The following ALMS1 variants were observed in gnomAD, a reference collection of about 807,000 sequenced individuals.
ALMS1 encodes the protein centrosome-associated protein ALMS1.
ALMS1 carries 271 observed loss-of-function variants against 352.2 expected under a neutral mutation model. The ratio of observed to expected loss-of-function variants is 0.77; its 90% CI spans 0.70 to 0.85. The LOEUF (loss-of-function observed/expected upper bound fraction) is 0.85, where lower values mean the gene tolerates loss of function less well. ALMS1 is among the 40% of genes least tolerant of loss of function. The probability of loss-of-function intolerance (pLI) is 0.00; values close to 1 mark genes in which losing one functional copy is unlikely to be tolerated. For synonymous variants in ALMS1, 1,865 were observed against 1,761.2 expected (o/e 1.06, Z -1.48); for missense variants, 5,445 against 4,870.7 (o/e 1.12, Z -3.51).
At position 73,455,304 on chromosome 2, in the gene ALMS1, G is replaced by T. The variant is rs1046548369; in HGVS notation, c.7674+9G>T. 52 of 1,613,754 alleles carry T rather than the reference G, an allele frequency of 3.2e-5. No homozygotes were observed. The Middle Eastern group carries it at 5.0e-4, about 15-fold the overall frequency. Reference sequence around the variant, plus strand: ...CAACTGACTTGTCCAAGGTATAAAAGAAATCTGGAAATGAAGAAAGTAAAT... The same window carrying T: ...CAACTGACTTGTCCAAGGTATAAAATAAATCTGGAAATGAAGAAAGTAAAT... On this transcript the variant is annotated intron_variant, in intron 9 of 22. Transcript: ENST00000613296.
rs1672346088 is a variant in ALMS1 at position 73,466,438 on chromosome 2, A to G, written c.7674+11143A>G. On this transcript the variant is annotated intron_variant, in intron 9 of 22. Coordinates refer to ENST00000613296, the MANE Select transcript of ALMS1 (RefSeq NM_001378454.1). ...TCATAGGTGGGAATTGAACAATGAG[A>G]ACACATGGACACAGGAAGGGGAACA... Among the ~76,000 whole-genome samples, 3 of 143,242 alleles carry G rather than the reference A, an allele frequency of 2.1e-5. No homozygotes were observed. In the South Asian group the frequency reaches 7.1e-4, roughly 34 times the overall value. The allele number at this position is 143,242 out of a possible 152,430, so 94.0% of individuals were successfully genotyped here. A position where few individuals can be genotyped will look rare whatever the true frequency, so the allele number is the denominator to read the frequency against.
intron 13 of ALMS1, among the ~76,000 whole-genome samples, chr2:73,551,742 G>A (rs1448781326): frequency 6.6e-6 from 1 of 151,748 alleles, no homozygotes; most frequent in East Asian, 1.9e-4. Context: ...GGCCCCCACT[G>A]TTTTATAAAA....
chr2:73,412,930 T>C (rs1261115426), intron 2 of ALMS1, among the ~76,000 whole-genome samples: 2 of 152,114 alleles, frequency 1.3e-5, no homozygotes, highest in Non-Finnish European at 2.9e-5. Flanking sequence ...CAGTAGTATA[T>C]GAGAGTTCTG....
intron 10 of ALMS1, among the ~76,000 whole-genome samples, chr2:73,518,681 C>T (rs1207741999): frequency 1.1e-4 from 16 of 152,104 alleles, no homozygotes; most frequent in Admixed American, 1.0e-3. Flanking sequence ...AATGGTATCT[C>T]ATTGTGGTTT....
intron 9 of ALMS1, among the ~76,000 whole-genome samples, chr2:73,472,637 C>T (rs1458500298): frequency 6.6e-6 from 1 of 152,006 alleles, no homozygotes; most frequent in Admixed American, 6.6e-5. Flanking sequence ...GGAGCTGTAG[C>T]GCTGCAGAAA....
chr2:73,511,682 A>G (rs1394659583), intron 10 of ALMS1, among the ~76,000 whole-genome samples: 1 of 152,124 alleles, frequency 6.6e-6, no homozygotes, highest in Non-Finnish European at 1.5e-5. Flanking sequence ...TCTCTATGAC[A>G]GTGGGTCTCA....
chr2:73,585,886 G>A (rs142405407), intron 16 of ALMS1, among the ~76,000 whole-genome samples: 29 of 152,022 alleles, frequency 1.9e-4, no homozygotes, highest in Non-Finnish European at 1.5e-5. Flanking sequence ...CTACCACCAC[G>A]CCTGGCCAAT....
chr2:73,502,004 G>A lies in ALMS1; in HGVS notation c.9539+10506G>A, dbSNP rs139663247. ...ACACATCTACTAAATATATTCCTAAGTAGTTAATATACTATGGTATATGGC... is the reference window on the plus strand; with the variant it reads ...ACACATCTACTAAATATATTCCTAAATAGTTAATATACTATGGTATATGGC... On this transcript the variant is annotated intron_variant, in intron 10 of 22. Coordinates refer to ENST00000613296, the MANE Select transcript of ALMS1 (RefSeq NM_001378454.1). Among the ~76,000 whole-genome samples the A allele has an allele frequency of 3.7e-3, 570 of 152,104 alleles. 3 individuals are homozygous for A. Among genetic ancestry groups the A allele is most frequent in the African/African-American group, 0.013 (522 of 41,522 alleles).
At chr2:73,481,868 GCT>G (rs1672713023) in intron 9 of ALMS1, among the ~76,000 whole-genome samples, 1 of 151,000 alleles carries the variant, frequency 6.6e-6, no homozygotes, top group African/African-American at 2.5e-5. Flanking sequence ...TCATGATTTG[GCT>G]CTCTGTTTGT....
chr2:73,589,235 G>A (rs1675373039), intron 16 of ALMS1, among the ~76,000 whole-genome samples: 2 of 151,118 alleles, frequency 1.3e-5, no homozygotes, highest in Admixed American at 6.6e-5. Flanking sequence ...AAAGTTATAA[G>A]CTTAGAAGGT....
chr2:73,387,527 A>G (rs1026550078), intron 1 of ALMS1, among the ~76,000 whole-genome samples: 6 of 151,414 alleles, frequency 4.0e-5, no homozygotes, highest in Non-Finnish European at 8.9e-5. Flanking sequence ...AGCTGAGGGA[A>G]AAACACATGA....
intron 9 of ALMS1, among the ~76,000 whole-genome samples, chr2:73,473,475 T>C (rs1333193156): frequency 6.6e-6 from 1 of 152,102 alleles, no homozygotes; most frequent in Admixed American, 6.6e-5. Context: ...GTTGTCACTT[T>C]ATAATATTCA....
chr2:73,520,606 A>G (rs994261897), intron 11 of ALMS1, among the ~76,000 whole-genome samples: 1 of 152,236 alleles, frequency 6.6e-6, no homozygotes, highest in African/African-American at 2.4e-5. Flanking sequence ...TGAGGAGCAC[A>G]TATAGGAGAT....
At chr2:73,447,830 C>A (rs1671836969) in intron 7 of ALMS1, 130 bp from the exon 8 acceptor site, 1 of 1,218,316 alleles carries the variant, frequency 8.2e-7, no homozygotes, top group Non-Finnish European at 1.1e-6. Flanking sequence ...ATATTTATCT[C>A]CTTTGATGGC....
chr2:73,474,608 G>C (rs1672546121), intron 9 of ALMS1, among the ~76,000 whole-genome samples: 1 of 151,830 alleles, frequency 6.6e-6, no homozygotes, highest in African/African-American at 2.4e-5. Context: ...TCAAAGTGCT[G>C]GTATTACAGG....
At chr2:73,414,667 T>C (rs1572908345) in intron 2 of ALMS1, among the ~76,000 whole-genome samples, 1 of 152,148 alleles carries the variant, frequency 6.6e-6, no homozygotes, top group East Asian at 1.9e-4. Flanking sequence ...GACACTATTA[T>C]TAATCATTAC....
intron 16 of ALMS1, 107 bp downstream of exon 16, chr2:73,573,531 C>CTAT: frequency 1.7e-6 from 2 of 1,143,332 alleles, no homozygotes; most frequent in Non-Finnish European, 2.6e-6. Flanking sequence ...CCTTTCCTCT[C>CTAT]TATACCATTT....
At chr2:73,413,451 A>G (rs1671119285) in intron 2 of ALMS1, among the ~76,000 whole-genome samples, 3 of 152,054 alleles carry the variant, frequency 2.0e-5, no homozygotes, top group East Asian at 1.9e-4. Context: ...CCTTGGCACT[A>G]TTGACATTTT....
At chr2:73,570,184 G>A (rs1674894995) in intron 15 of ALMS1, among the ~76,000 whole-genome samples, 1 of 152,204 alleles carries the variant, frequency 6.6e-6, no homozygotes, top group African/African-American at 2.4e-5. Context: ...TGGAAGACTA[G>A]GGAAGGTACA....
Sources: gnomAD v4.1 joint callset for allele counts (sites outside exome capture counted in the v4.1 genomes callset) on GRCh38, gnomAD v4.1.1 for gene constraint, MANE v1.5 for transcripts, NCBI Gene and HGNC (gene_info 2026-07-23, HGNC 2026-07-21) for gene names.